The following FOXP4 variants were observed in gnomAD, a reference collection of about 807,000 sequenced individuals.
FOXP4 encodes the protein forkhead box P4, also known as forkhead box protein P4.
In FOXP4, 25 loss-of-function variants were observed where a neutral mutation model predicts 82.6. The observed-to-expected ratio is 0.30, with a 90% CI of 0.22 to 0.42. FOXP4 has a LOEUF of 0.42. FOXP4 is among the 10% of genes least tolerant of loss of function. The pLI, the probability that FOXP4 is intolerant of heterozygous loss-of-function variation, is 1.00. For missense variants in FOXP4, 785 were observed against 900.9 expected (o/e 0.87, Z 1.65); for synonymous variants, 415 against 388.2 (o/e 1.07, Z -0.81).
chr6:41,596,230 C>A (rs1220911622), intron 14 of FOXP4, among the ~76,000 whole-genome samples: 1 of 152,224 alleles, frequency 6.6e-6, no homozygotes, highest in African/African-American at 2.4e-5. Context: ...AACTGAGGAG[C>A]CTGGGACAGG....
chr6:41,594,141 C>A (rs1232725727), intron 13 of FOXP4, among the ~76,000 whole-genome samples: 1 of 152,202 alleles, frequency 6.6e-6, no homozygotes, highest in East Asian at 1.9e-4. Context: ...TCCTACAAAC[C>A]AGATGACCTC....
Position 41,599,222 on chromosome 6 carries a change from A to C in FOXP4, c.*286A>C. On this transcript the variant is annotated 3_prime_UTR_variant, in exon 17 of 17. Coordinates refer to ENST00000307972, the MANE Select transcript of FOXP4 (RefSeq NM_001012426.2). ...CATCTGAAACTGCCTCCCCCCAACC[A>C]CCAGCAGCAGCAGGGCCCTCCTCCC... is the stretch of plus-strand genomic sequence containing the variant. 6 of 256,756 alleles carry C rather than the reference A, an allele frequency of 2.3e-5. No homozygotes were observed. The highest frequency in any genetic ancestry group is 3.7e-5 in the Non-Finnish European group (5 of 135,070). 15.9% of individuals were successfully genotyped at this position (256,756 alleles called of 1,614,324 possible). A position where few individuals can be genotyped will look rare whatever the true frequency, so the allele number is the denominator to read the frequency against.
At chr6:41,569,903 C>G (rs1373502482) in intron 2 of FOXP4, among the ~76,000 whole-genome samples, 2 of 151,830 alleles carry the variant, frequency 1.3e-5, no homozygotes, top group Non-Finnish European at 2.9e-5. Flanking sequence ...ACCTCACCCC[C>G]CCTTCAAAGA....
rs1258537825 is a variant in FOXP4 at position 41,600,197 on chromosome 6, T to TGGGGGAA, written c.*1264_*1270dup. 6.6e-6 allele frequency: 1 copy of TGGGGGAA among 152,406 alleles called. No individual in the cohort carries two copies. The highest frequency in any genetic ancestry group is 2.4e-5 in the African/African-American group (1 of 41,328). The allele number at this position is 152,406 out of a possible 1,614,324, so 9.4% of individuals were successfully genotyped here. A position where few individuals can be genotyped will look rare whatever the true frequency, so the allele number is the denominator to read the frequency against. ...CCCTCCCTTCCGCTCCTGCCCAGCC[T>TGGGGGAA]GGGGGAAGGAGAAAGGAGGGGAGAA... is the stretch of plus-strand genomic sequence containing the variant. On this transcript the variant is annotated 3_prime_UTR_variant, in exon 17 of 17. Coordinates refer to ENST00000307972, the MANE Select transcript of FOXP4 (RefSeq NM_001012426.2).
intron 2 of FOXP4, among the ~76,000 whole-genome samples, chr6:41,574,600 C>T (rs951433034): frequency 2.0e-5 from 3 of 152,162 alleles, no homozygotes; most frequent in Non-Finnish European, 4.4e-5. Context: ...CAGTTGACAA[C>T]ATCTGTGCTT....
chr6:41,587,413 C>T lies in FOXP4; in HGVS notation c.773C>T (p.Thr258Ile), dbSNP rs761677679. ...EGLDLTGTAA[T>I]ATSFAAPPKV... ...CTGGACCTCACTGGCACGGCCGCCA[C>T]CGCTACCTCGTTTGCCGCTCCCCCC... is the stretch of plus-strand genomic sequence containing the variant. Residue 258 changes from threonine to isoleucine, a missense_variant, in exon 7 of 17, where the codon ACC becomes ATC. This residue lies in a region of FOXP4 where 570 missense variants were observed against 634.0 expected (regional missense o/e 0.90). Coordinates refer to ENST00000307972, the MANE Select transcript of FOXP4 (RefSeq NM_001012426.2). 1 of 1,584,952 alleles carries T rather than the reference C, an allele frequency of 6.3e-7. No individual in the cohort carries two copies. The highest frequency in any genetic ancestry group is 1.8e-5 in the Admixed American group (1 of 56,416).
intron 1 of FOXP4, among the ~76,000 whole-genome samples, chr6:41,556,050 A>G (rs895463979): frequency 1.3e-5 from 2 of 152,062 alleles, no homozygotes; most frequent in African/African-American, 4.8e-5. Context: ...GGATGGAGCC[A>G]GTAAAAGGTA....
rs1765584968 is a variant in FOXP4, at chr6:41,578,029, G to A, written c.248G>A (p.Gly83Asp). Residue 83 changes from glycine to aspartate, a missense_variant, in exon 3 of 17, where the codon GGC becomes GAC. Physicochemically the swap from Gly to Asp is moderately conservative, Grantham distance 94. Around this residue, in one of 3 missense-constraint regions of FOXP4, gnomAD observed 570 missense variants for 634.0 expected, o/e 0.90. Coordinates refer to ENST00000307972, the MANE Select transcript of FOXP4 (RefSeq NM_001012426.2). ...ARQFLLQQASGLSSPGNNDSK... is the reference protein window; with the variant it reads ...ARQFLLQQASDLSSPGNNDSK... ...CAGTTCCTGCTGCAGCAGGCCTCAG[G>A]CCTGAGCTCCCCAGGGAACAATGAC... The A allele has an allele frequency of 6.2e-7, 1 of 1,613,470 alleles. No homozygotes were observed. Among genetic ancestry groups the A allele is most frequent in the Non-Finnish European group, 8.5e-7 (1 of 1,180,008 alleles).
chr6:41,549,091 G>A (rs986147612), intron 1 of FOXP4, among the ~76,000 whole-genome samples: 1 of 151,960 alleles, frequency 6.6e-6, no homozygotes, highest in Non-Finnish European at 1.5e-5. Context: ...GGGCCAGGGT[G>A]AGCGCTGAAT....
chr6:41,568,998 G>T (rs947141635), intron 2 of FOXP4, among the ~76,000 whole-genome samples: 1 of 152,196 alleles, frequency 6.6e-6, no homozygotes, highest in African/African-American at 2.4e-5. Context: ...GCCAGGCCAG[G>T]TCTGACTAGA....
At chr6:41,581,452 C>T (rs1349051051) in intron 3 of FOXP4, among the ~76,000 whole-genome samples, 1 of 152,222 alleles carries the variant, frequency 6.6e-6, no homozygotes, top group African/African-American at 2.4e-5. Context: ...GCGTTTGGCC[C>T]AGGGCTCACA....
At chr6:41,572,849 G>A (rs1370271270) in intron 2 of FOXP4, among the ~76,000 whole-genome samples, 4 of 152,136 alleles carry the variant, frequency 2.6e-5, no homozygotes, top group African/African-American at 9.7e-5. Context: ...GTACATTCAG[G>A]TTCTGCTTTT....
At chr6:41,592,091 C>G (rs1202777065) in intron 13 of FOXP4, among the ~76,000 whole-genome samples, 1 of 151,924 alleles carries the variant, frequency 6.6e-6, no homozygotes, top group Non-Finnish European at 1.5e-5. Context: ...AGTGTTCGCC[C>G]CTGCAGGGAA....
intron 2 of FOXP4, among the ~76,000 whole-genome samples, chr6:41,577,677 C>G (rs1765562243): frequency 6.6e-6 from 1 of 152,126 alleles, no homozygotes; most frequent in Non-Finnish European, 1.5e-5. Context: ...CTGAGTCAAC[C>G]CCCTTTATTT....
intron 1 of FOXP4, among the ~76,000 whole-genome samples, chr6:41,548,915 G>T (rs1218763803): frequency 1.3e-5 from 2 of 151,036 alleles, no homozygotes; most frequent in Admixed American, 1.3e-4. Context: ...GGATACTGGG[G>T]CTCTGCTCTT....
At chr6:41,550,855 CCT>C (rs1763957405) in intron 1 of FOXP4, among the ~76,000 whole-genome samples, 2 of 152,240 alleles carry the variant, frequency 1.3e-5, no homozygotes, top group East Asian at 1.9e-4. Context: ...ACTGATAACC[CCT>C]CTCTCCAGAA....
In FOXP4 at chr6:41,579,437, C is replaced by T. The variant is rs114937790; in HGVS notation, c.300+1356C>T. Among the ~76,000 whole-genome samples, 106 of 152,260 alleles carry T rather than the reference C, an allele frequency of 7.0e-4. 1 individual carries two copies. The highest frequency in any genetic ancestry group is 2.3e-3 in the African/African-American group (96 of 41,542). ...TTGGGCTTCCACTCTGAATCCTGCCCGCCCTGGACCCAGCTTAGAACAGGA... is the reference window on the plus strand; with the variant it reads ...TTGGGCTTCCACTCTGAATCCTGCCTGCCCTGGACCCAGCTTAGAACAGGA... On this transcript the variant is annotated intron_variant, in intron 3 of 16. Transcript: ENST00000307972.
In FOXP4 at chr6:41,588,731, G is replaced by C; in HGVS notation, c.1065G>C (p.Gln355His). The C allele has an allele frequency of 1.2e-6, 2 of 1,613,304 alleles. No individual in the cohort carries two copies. The highest frequency in any genetic ancestry group is 1.1e-5 in the South Asian group (1 of 91,030). ...AGGTGGTGCAGCAGCTGGAGATCCAGGTGTGGCCCGGAAGATGCTGGGGAG... is the reference window on the plus strand; with the variant it reads ...AGGTGGTGCAGCAGCTGGAGATCCACGTGTGGCCCGGAAGATGCTGGGGAG... ...QMQVVQQLEI[Q>H]LAKESERLQA... is the part of the protein sequence containing the mutation. Residue 355 changes from glutamine (Q) to histidine (H), a missense_variant and splice_region_variant, in exon 9 of 17, where the codon CAG (glutamine) becomes CAC (histidine). Gln to His is a conservative substitution (Grantham distance 24, BLOSUM62 0). This residue lies in a region of FOXP4 where 570 missense variants were observed against 634.0 expected (regional missense o/e 0.90). Transcript: ENST00000307972.
chr6:41,598,545 C>T lies in FOXP4; in HGVS notation c.1896-244C>T, dbSNP rs9471606. Among the ~76,000 whole-genome samples the T allele has an allele frequency of 8.8e-3, 1,343 of 152,252 alleles. 16 individuals carry two copies. Among genetic ancestry groups the T allele is most frequent in the African/African-American group, 0.03 (1,243 of 41,554 alleles). Reference sequence around the variant, plus strand: ...TCTTCTATCTTTCTTCTCCTTCCTCCGTTCGCTCATCTCCCCTCTGCTCCC... The same window carrying T: ...TCTTCTATCTTTCTTCTCCTTCCTCTGTTCGCTCATCTCCCCTCTGCTCCC... On this transcript the variant is annotated intron_variant, in intron 16 of 16. Transcript: ENST00000307972.
Sources: allele counts gnomAD v4.1 joint callset (sites outside exome capture counted in the v4.1 genomes callset), GRCh38; gene constraint gnomAD v4.1.1; regional missense constraint gnomAD v4.1.1; transcripts MANE v1.5; gene names NCBI Gene and HGNC (gene_info 2026-07-23, HGNC 2026-07-21).